GRIA4: variants seen among roughly 807,000 people sequenced by gnomAD.
GRIA4 encodes the protein glutamate receptor 4.
Under a neutral mutation model 104.0 loss-of-function variants are expected in GRIA4, and 34 were observed. The ratio of observed to expected loss-of-function variants is 0.33; its 90% confidence interval spans 0.25 to 0.44. The LOEUF is 0.44. GRIA4 is among the 20% of genes least tolerant of loss of function. GRIA4 has a pLI of 1.00. For synonymous variants in GRIA4, 386 were observed against 381.9 expected (o/e 1.01, Z -0.13); for missense variants, 750 against 1,096.5 (o/e 0.68, Z 4.46).
At chr11:105,753,290 C>T (rs552038312) in intron 4 of GRIA4, 70 bp downstream of exon 4, 76 of 1,384,216 alleles carry the variant, frequency 5.5e-5, no homozygotes, top group Admixed American at 3.7e-4. Flanking sequence ...TATATGACTT[C>T]GGTTTTTAGC....
intron 12 of GRIA4, 45 bp downstream of exon 12, chr11:105,924,814 T>C (rs1266360057): frequency 4.9e-6 from 7 of 1,414,324 alleles, no homozygotes; most frequent in Non-Finnish European, 6.8e-6. Context: ...TCCCAGTAAT[T>C]CTAAATGTTG....
intron 3 of GRIA4, among the ~76,000 whole-genome samples, chr11:105,705,608 C>T (rs922953490): frequency 3.4e-5 from 5 of 148,960 alleles, no homozygotes; most frequent in South Asian, 2.1e-4. Flanking sequence ...CCTGAACTGA[C>T]GAGAGAGAGA....
At chr11:105,857,093 C>G (rs1429493360) in intron 4 of GRIA4, among the ~76,000 whole-genome samples, 1 of 152,084 alleles carries the variant, frequency 6.6e-6, no homozygotes, top group Admixed American at 6.6e-5. Context: ...GTTATTCCTC[C>G]ATGTACTGAA....
At chr11:105,725,306 G>A (rs914278950) in intron 3 of GRIA4, among the ~76,000 whole-genome samples, 2 of 152,044 alleles carry the variant, frequency 1.3e-5, no homozygotes, top group African/African-American at 4.8e-5. Context: ...GAATATTCTG[G>A]AGGACTAGAT....
chr11:105,838,356 A>G (rs931071984), intron 4 of GRIA4, among the ~76,000 whole-genome samples: 1 of 152,196 alleles, frequency 6.6e-6, no homozygotes, highest in African/African-American at 2.4e-5. Flanking sequence ...GAACCAGCCC[A>G]CTACTTTATA....
intron 5 of GRIA4, among the ~76,000 whole-genome samples, chr11:105,873,631 G>A (rs1326371771): frequency 6.6e-6 from 1 of 152,054 alleles, no homozygotes; most frequent in African/African-American, 2.4e-5. Context: ...GCATGAGATG[G>A]TATCTCATTG....
chr11:105,848,107 C>T lies in GRIA4; in HGVS notation c.488-13917C>T, dbSNP rs544760731. Reference sequence around the variant, plus strand: ...GCAAAAGCCTTTGCTTTTCAGGCCACGTCTAGTTGATTAAAATGGTTTCAT... The same window carrying T: ...GCAAAAGCCTTTGCTTTTCAGGCCATGTCTAGTTGATTAAAATGGTTTCAT... On this transcript the variant is annotated intron_variant, in intron 4 of 16. Coordinates refer to ENST00000282499, the MANE Select transcript of GRIA4 (RefSeq NM_000829.4). 5.3e-4 allele frequency among the ~76,000 whole-genome samples: 80 copies of T among 152,240 alleles called. 1 individual carries two copies. The highest frequency in any genetic ancestry group is 1.5e-3 in the African/African-American group (63 of 41,548).
chr11:105,699,075 C>T (rs1167436018), intron 3 of GRIA4, among the ~76,000 whole-genome samples: 1 of 152,158 alleles, frequency 6.6e-6, no homozygotes, highest in African/African-American at 2.4e-5. Context: ...TCATGTCTTC[C>T]TTTGTACTCT....
At chr11:105,830,103 C>T (rs1386669028) in intron 4 of GRIA4, among the ~76,000 whole-genome samples, 3 of 151,994 alleles carry the variant, frequency 2.0e-5, no homozygotes, top group East Asian at 1.9e-4. Flanking sequence ...CTTAGCTTAA[C>T]ATCAAAGATC....
chr11:105,610,776 A>G lies in GRIA4; in HGVS notation c.-90-132A>G. On this transcript the variant is annotated intron_variant, in intron 1 of 16. Transcript: ENST00000282499. ...CAGGGCTATGGAGACTGCGGGAAAA[A>G]TCTGGCGGCTCGCGATGGATTGCTA... 3 of 508,956 alleles carry G rather than the reference A, an allele frequency of 5.9e-6. No homozygotes were observed. In the South Asian group the frequency reaches 7.4e-5, roughly 13 times the overall value. 31.5% of individuals were successfully genotyped at this position (508,956 alleles called of 1,614,324 possible). A position where few individuals can be genotyped will look rare whatever the true frequency, so the allele number is the denominator to read the frequency against.
chr11:105,780,232 G>A (rs891297370), intron 4 of GRIA4, among the ~76,000 whole-genome samples: 9 of 152,140 alleles, frequency 5.9e-5, no homozygotes, highest in Non-Finnish European at 8.8e-5. Context: ...TATGATTGAC[G>A]TGTGATGCAG....
intron 4 of GRIA4, among the ~76,000 whole-genome samples, chr11:105,789,088 G>A (rs909849399): frequency 6.6e-6 from 1 of 151,984 alleles, no homozygotes; most frequent in Non-Finnish European, 1.5e-5. Flanking sequence ...CCCTCATTCT[G>A]AAAATAAAAT....
intron 4 of GRIA4, among the ~76,000 whole-genome samples, chr11:105,857,190 T>G (rs551886770): frequency 9.2e-5 from 14 of 152,086 alleles, no homozygotes; most frequent in Non-Finnish European, 1.9e-4. Flanking sequence ...GGTTATTAAA[T>G]CTACTCTACA....
chr11:105,924,348 C>CTAATTGAAA lies in GRIA4; in HGVS notation c.1477-50_1477-49insAATTGAAAT, dbSNP rs1262991494. On this transcript the variant is annotated intron_variant, in intron 11 of 16. Coordinates refer to ENST00000282499, the MANE Select transcript of GRIA4 (RefSeq NM_000829.4). ...AAATGGATCATTCCAGTGCTAATTGCTTCATGAAATTCATTAACCTATGTG... is the reference window on the plus strand; with the variant it reads ...AAATGGATCATTCCAGTGCTAATTGCTAATTGAAATTCATGAAATTCATTAACCTATGTG... 2.1e-6 allele frequency: 3 copies of CTAATTGAAA among 1,402,208 alleles called. No homozygotes were observed. In the East Asian group the frequency reaches 6.9e-5, roughly 32 times the overall value. The allele number at this position is 1,402,208 out of a possible 1,614,324, so 86.9% of individuals were successfully genotyped here. A position where few individuals can be genotyped will look rare whatever the true frequency, so the allele number is the denominator to read the frequency against.
chr11:105,879,281 C>T (rs1257024853), intron 5 of GRIA4, among the ~76,000 whole-genome samples: 2 of 152,182 alleles, frequency 1.3e-5, no homozygotes, highest in African/African-American at 2.4e-5. Flanking sequence ...TGCAGAAACA[C>T]CTGCCTTCTG....
intron 4 of GRIA4, among the ~76,000 whole-genome samples, chr11:105,754,544 G>T (rs1392143070): frequency 6.6e-6 from 1 of 152,182 alleles, no homozygotes; most frequent in Non-Finnish European, 1.5e-5. Flanking sequence ...TCACCTGTGT[G>T]TGGGAGAGAC....
chr11:105,828,592 C>T (rs1219641716), intron 4 of GRIA4, among the ~76,000 whole-genome samples: 1 of 151,194 alleles, frequency 6.6e-6, no homozygotes, highest in Non-Finnish European at 1.5e-5. Flanking sequence ...CAGATTTAAA[C>T]ATGACATTTT....
intron 3 of GRIA4, among the ~76,000 whole-genome samples, chr11:105,705,319 C>A (rs1327526963): frequency 2.0e-5 from 3 of 152,016 alleles, no homozygotes; most frequent in Admixed American, 2.0e-4. Flanking sequence ...AAACAAGAAA[C>A]TGAAGAAAGC....
intron 3 of GRIA4, 149 bp from the exon 4 acceptor site, chr11:105,752,832 G>T: frequency 1.5e-6 from 1 of 685,404 alleles, no homozygotes; most frequent in Non-Finnish European, 2.5e-6. Flanking sequence ...GCAATTAATT[G>T]CACACTTCAC....
Sources: gnomAD v4.1 joint callset for allele counts (sites outside exome capture counted in the v4.1 genomes callset) on GRCh38, gnomAD v4.1.1 for gene constraint, MANE v1.5 for transcripts, NCBI Gene and HGNC (gene_info 2026-07-23, HGNC 2026-07-21) for gene names.